CCDC102B: variants seen among roughly 807,000 people sequenced by gnomAD.
The protein encoded by CCDC102B is coiled-coil domain-containing protein 102B.
In CCDC102B, 75 loss-of-function variants were observed where a neutral mutation model predicts 57.4. The observed-to-expected ratio is 1.31, with a 90% CI of 1.08 to 1.58. CCDC102B has a LOEUF of 1.58. Among genes scored for constraint, CCDC102B ranks in the 40% most tolerant of loss-of-function variants. CCDC102B has a pLI of 0.00. For synonymous variants in CCDC102B, 206 were observed against 201.9 expected (o/e 1.02, Z -0.17); for missense variants, 636 against 582.6 (o/e 1.09, Z -0.94).
chr18:68,999,960 T>TA (rs1460112737), intron 6 of CCDC102B, among the ~76,000 whole-genome samples: 4 of 152,212 alleles, frequency 2.6e-5, no homozygotes, highest in Non-Finnish European at 5.9e-5. Flanking sequence ...AAGGCATTCA[T>TA]TTCTTTCCTA....
chr18:68,930,548 G>A (rs578157410), intron 6 of CCDC102B, among the ~76,000 whole-genome samples: 97 of 151,950 alleles, frequency 6.4e-4, no homozygotes, highest in African/African-American at 2.1e-3. Context: ...GGGGCAAAAC[G>A]GAGCTGAAAT....
At chr18:68,787,405 C>T (rs1291609278) in intron 2 of CCDC102B, among the ~76,000 whole-genome samples, 1 of 146,556 alleles carries the variant, frequency 6.8e-6, no homozygotes. Context: ...AAGGAATGGT[C>T]CCAGTTCCTC....
At chr18:69,052,669 G>A (rs1431422) in intron 7 of CCDC102B, among the ~76,000 whole-genome samples, 150,570 of 152,022 alleles carry the variant, frequency 0.99, 74,586 homozygotes, top group East Asian at 1. Context: ...CCACTACCTT[G>A]TATGCATCCA....
intron 6 of CCDC102B, among the ~76,000 whole-genome samples, chr18:68,990,053 C>T (rs926537483): frequency 6.6e-6 from 1 of 152,146 alleles, no homozygotes. Context: ...TACATTCATT[C>T]GTGTTCCAAA....
chr18:68,899,002 G>T (rs2040341414), intron 6 of CCDC102B, among the ~76,000 whole-genome samples: 1 of 151,988 alleles, frequency 6.6e-6, no homozygotes, highest in South Asian at 2.1e-4. Context: ...TATTTGGGCT[G>T]GGACTAAGCA....
At chr18:68,915,959 T>C (rs1250551015) in intron 6 of CCDC102B, among the ~76,000 whole-genome samples, 3 of 152,202 alleles carry the variant, frequency 2.0e-5, no homozygotes, top group African/African-American at 7.2e-5. Flanking sequence ...TTGAAATATG[T>C]AAATAACAGA....
Position 68,776,062 on chromosome 18 carries a change from A to G in CCDC102B, c.-66-47304A>G, listed in dbSNP as rs1025724439. ...TTCTCTGTGTCCATTTTTGGGCATTATGAGTAGATGACTGTTGTATATTTC... is the reference window on the plus strand; with the variant it reads ...TTCTCTGTGTCCATTTTTGGGCATTGTGAGTAGATGACTGTTGTATATTTC... On this transcript the variant is annotated intron_variant, in intron 2 of 3. Coordinates refer to the CCDC102B transcript ENST00000578970. Among the ~76,000 whole-genome samples the G allele has an allele frequency of 1.3e-5, 2 of 152,172 alleles. 1 individual carries two copies. The highest frequency in any genetic ancestry group is 4.8e-5 in the African/African-American group (2 of 41,452).
chr18:68,983,829 A>T (rs2050655654), intron 6 of CCDC102B, among the ~76,000 whole-genome samples: 1 of 152,054 alleles, frequency 6.6e-6, no homozygotes. Context: ...TTTGAATTGA[A>T]TGAAGCTGGT....
chr18:68,722,476 G>A (rs1001673765), intron 2 of CCDC102B, among the ~76,000 whole-genome samples: 1 of 152,026 alleles, frequency 6.6e-6, no homozygotes, highest in African/African-American at 2.4e-5. Flanking sequence ...TTTGCTTTGG[G>A]GACCTAAAAA....
intron 5 of CCDC102B, 60 bp from the exon 6 acceptor site, chr18:68,897,159 G>A (rs1435674792): frequency 8.4e-6 from 11 of 1,308,032 alleles, no homozygotes; most frequent in South Asian, 1.3e-5. Flanking sequence ...GTTGTGGGTG[G>A]CATTATCTTT....
intron 1 of CCDC102B, chr18:68,823,552 C>T (rs988764677): frequency 6.6e-6 from 1 of 152,158 alleles, no homozygotes; most frequent in African/African-American, 2.4e-5. Flanking sequence ...ATCTATTTTC[C>T]TTTGGGTATA....
chr18:69,002,649 C>A (rs962081849), intron 6 of CCDC102B, among the ~76,000 whole-genome samples: 1 of 152,124 alleles, frequency 6.6e-6, no homozygotes, highest in African/African-American at 2.4e-5. Flanking sequence ...ATGAAAATAT[C>A]GTAACTGAAT....
chr18:69,020,969 CA>C (rs143871696), intron 7 of CCDC102B, among the ~76,000 whole-genome samples: 2,641 of 152,266 alleles, frequency 0.017, 37 homozygotes, highest in South Asian at 0.039. Flanking sequence ...AGTTCACACT[CA>C]AAATGTTAGT....
At chr18:68,936,124 A>G (rs1045906686) in intron 6 of CCDC102B, among the ~76,000 whole-genome samples, 1 of 151,990 alleles carries the variant, frequency 6.6e-6, no homozygotes, top group Non-Finnish European at 1.5e-5. Context: ...CTCTGTGTAT[A>G]AGACTTATAT....
At chr18:69,018,870 T>C (rs1430055721) in intron 7 of CCDC102B, among the ~76,000 whole-genome samples, 1 of 152,090 alleles carries the variant, frequency 6.6e-6, no homozygotes, top group African/African-American at 2.4e-5. Flanking sequence ...TTCCCTAGGT[T>C]TTCTTCTAGG....
chr18:68,824,451 G>A (rs748621677), intron 1 of CCDC102B, among the ~76,000 whole-genome samples: 5 of 152,142 alleles, frequency 3.3e-5, no homozygotes, highest in African/African-American at 9.7e-5. Context: ...TATTGTTAGC[G>A]AAGAGAGATA....
At chr18:68,763,999 C>T (rs2034343237) in intron 2 of CCDC102B, among the ~76,000 whole-genome samples, 1 of 151,890 alleles carries the variant, frequency 6.6e-6, no homozygotes, top group African/African-American at 2.4e-5. Context: ...ACTCCATTAC[C>T]CTTACTTTTT....
intron 2 of CCDC102B, chr18:68,838,366 A>C (rs1421034316): frequency 1.0e-6 from 1 of 963,610 alleles, no homozygotes; most frequent in Admixed American, 6.2e-5. Context: ...TGACAAAAGA[A>C]ACTTGAAAGA....
At chr18:68,728,142 G>A (rs867112727) in intron 2 of CCDC102B, among the ~76,000 whole-genome samples, 2 of 152,110 alleles carry the variant, frequency 1.3e-5, no homozygotes, top group Non-Finnish European at 1.5e-5. Context: ...ATGCAATGAT[G>A]GGCTGACTGG....
Sources: gnomAD v4.1 joint callset for allele counts (sites outside exome capture counted in the v4.1 genomes callset) on GRCh38, gnomAD v4.1.1 for gene constraint, MANE v1.5 for transcripts, NCBI Gene and HGNC (gene_info 2026-07-23, HGNC 2026-07-21) for gene names.